The following PDE8B variants were observed in gnomAD, a reference collection of about 807,000 sequenced individuals.
The protein encoded by PDE8B is high affinity cAMP-specific and IBMX-insensitive 3',5'-cyclic phosphodiesterase 8B.
PDE8B carries 26 observed loss-of-function variants against 101.3 expected under a neutral mutation model. The ratio of observed to expected loss-of-function variants is 0.26; its 90% CI spans 0.19 to 0.36. PDE8B has a LOEUF of 0.36. Among genes scored for constraint, PDE8B ranks in the 10% least tolerant of loss-of-function variants. The pLI is 1.00. For missense variants in PDE8B, 810 were observed against 1,163.1 expected, an observed-to-expected ratio of 0.70 and a Z score of 4.42; for synonymous variants, 424 against 429.3, an observed-to-expected ratio of 0.99 and a Z score of 0.15.
At chr5:77,258,000 C>A (rs1290253546) in intron 1 of PDE8B, among the ~76,000 whole-genome samples, 5 of 152,014 alleles carry the variant, frequency 3.3e-5, no homozygotes, top group Non-Finnish European at 7.4e-5. Flanking sequence ...TTAGAGGAAC[C>A]CAGAGCAGCC....
chr5:77,246,783 G>C (rs1017474134), intron 1 of PDE8B: 2 of 152,148 alleles, frequency 1.3e-5, no homozygotes, highest in African/African-American at 4.8e-5. Context: ...CTGTGAGCTC[G>C]TTGAGGAAAG....
intron 1 of PDE8B, among the ~76,000 whole-genome samples, chr5:77,287,443 TA>T (rs1408269810): frequency 2.0e-5 from 3 of 152,084 alleles, no homozygotes; most frequent in African/African-American, 7.2e-5. Flanking sequence ...TTTTTCTTCA[TA>T]TTTTTTTTTC....
intron 2 of PDE8B, among the ~76,000 whole-genome samples, chr5:77,323,769 C>T (rs1457859350): frequency 1.3e-5 from 2 of 152,104 alleles, no homozygotes; most frequent in Non-Finnish European, 2.9e-5. Context: ...CCAGCCTGGC[C>T]AACATGGCGA....
chr5:77,242,918 G>A (rs1031581507), intron 1 of PDE8B, among the ~76,000 whole-genome samples: 1 of 152,016 alleles, frequency 6.6e-6, no homozygotes, highest in East Asian at 1.9e-4. Context: ...CGCCTGTCTC[G>A]GCCTCCCTAA....
At chr5:77,209,106 T>C (rs369009328), upstream of PDE8B, among the ~76,000 whole-genome samples, 79 of 152,320 alleles carry the variant, frequency 5.2e-4, no homozygotes, top group South Asian at 0.015. Flanking sequence ...AGAAATTTTA[T>C]GAGCAATTTG....
intron 3 of PDE8B, among the ~76,000 whole-genome samples, chr5:77,326,307 T>G (rs1194139044): frequency 2.0e-5 from 3 of 152,198 alleles, no homozygotes; most frequent in African/African-American, 7.2e-5. Flanking sequence ...TGCTCAGTCA[T>G]AAGAGTTAGC....
In PDE8B at chr5:77,337,193, T is replaced by G. The variant is rs753658190; in HGVS notation, c.709-34T>G. 41 of 1,133,890 alleles carry G rather than the reference T, an allele frequency of 3.6e-5. No homozygotes were observed. In the Middle Eastern group the frequency reaches 1.2e-3, roughly 33 times the overall value. 70.2% of individuals were successfully genotyped at this position (1,133,890 alleles called of 1,614,324 possible). A position where few individuals can be genotyped will look rare whatever the true frequency, so the allele number is the denominator to read the frequency against. On this transcript the variant is annotated intron_variant, in intron 5 of 21. Transcript: ENST00000264917. ...TTTGACTCTCTAAGAAGTAATTATA[T>G]ATGTCTTATGTATTGTCTTTGCTTT...
chr5:77,375,194 G>A (rs565203168), intron 10 of PDE8B, among the ~76,000 whole-genome samples: 160 of 152,232 alleles, frequency 1.1e-3, no homozygotes, highest in African/African-American at 3.1e-3. Flanking sequence ...GTTTTTGTGC[G>A]TCCTGCCCAT....
At chr5:77,089,822 G>A in the PDE8B span, among the ~76,000 whole-genome samples, 8 of 152,298 alleles carry the variant, frequency 5.3e-5, no homozygotes, top group South Asian at 2.1e-4. Context: ...AAGGAAATCA[G>A]TGTATCAAAG....
intron 2 of PDE8B, among the ~76,000 whole-genome samples, chr5:77,316,278 G>C (rs771215626): frequency 6.6e-6 from 1 of 152,148 alleles, no homozygotes; most frequent in Non-Finnish European, 1.5e-5. Flanking sequence ...CTGTCACCCA[G>C]GCTGGAGTGC....
At chr5:77,404,963 A>G (rs368658389) in intron 12 of PDE8B, among the ~76,000 whole-genome samples, 166 bp downstream of exon 12, 2 of 152,364 alleles carry the variant, frequency 1.3e-5, no homozygotes, top group East Asian at 3.9e-4. Flanking sequence ...TATTTTAATT[A>G]TTTTTAAAAA....
the PDE8B span, chr5:77,148,324 A>G: frequency 2.0e-5 from 3 of 152,348 alleles, no homozygotes; most frequent in South Asian, 4.1e-4. Context: ...ACTGTAATGA[A>G]TAATGTTGCT....
chr5:77,094,889 A>G, the PDE8B span, among the ~76,000 whole-genome samples: 2 of 152,132 alleles, frequency 1.3e-5, no homozygotes, highest in Non-Finnish European at 2.9e-5. Context: ...GCTTTAATCT[A>G]TTTTTGAGGG....
At chr5:77,362,950 C>T (rs1238566914) in intron 10 of PDE8B, among the ~76,000 whole-genome samples, 1 of 152,200 alleles carries the variant, frequency 6.6e-6, no homozygotes, top group Non-Finnish European at 1.5e-5. Flanking sequence ...CTGACCAGAC[C>T]CTCCAGGGCA....
intron 2 of PDE8B, among the ~76,000 whole-genome samples, chr5:77,322,174 G>T (rs1254535951): frequency 6.6e-6 from 1 of 152,096 alleles, no homozygotes; most frequent in Non-Finnish European, 1.5e-5. Context: ...TAGGGTTGGG[G>T]AATTGTGGCC....
At chr5:77,366,948 G>A (rs1004828681) in intron 10 of PDE8B, among the ~76,000 whole-genome samples, 7 of 152,104 alleles carry the variant, frequency 4.6e-5, no homozygotes, top group African/African-American at 7.2e-5. Context: ...TGCAAGGTCA[G>A]GCCCAAGTAG....
chr5:77,286,285 G>A (rs535932136), intron 1 of PDE8B, among the ~76,000 whole-genome samples: 1 of 152,160 alleles, frequency 6.6e-6, no homozygotes. Context: ...TCTTCCCTGT[G>A]CATGAACAGT....
chr5:77,101,696 T>G, the PDE8B span, among the ~76,000 whole-genome samples: 1 of 152,080 alleles, frequency 6.6e-6, no homozygotes, highest in Non-Finnish European at 1.5e-5. Flanking sequence ...GCTCATACAT[T>G]TCGCCCATAA....
chr5:77,210,031 C>T (rs1747907416), upstream of PDE8B, among the ~76,000 whole-genome samples: 1 of 152,252 alleles, frequency 6.6e-6, no homozygotes, highest in Non-Finnish European at 1.5e-5. The surrounding 1 kb of genome is among the most constrained non-coding windows in gnomAD (Gnocchi z 4.9). Flanking sequence ...CATGAGGTCT[C>T]TCCATCACTT....
Sources: gnomAD v4.1 joint callset for allele counts (sites outside exome capture counted in the v4.1 genomes callset) on GRCh38, gnomAD v4.1.1 for gene constraint, Gnocchi (gnomAD v3.1) non-coding constraint, MANE v1.5 for transcripts, NCBI Gene and HGNC (gene_info 2026-07-23, HGNC 2026-07-21) for gene names.